Variants in CR1 observed in about 807,000 individuals in gnomAD.
CR1 encodes the protein complement receptor type 1.
CR1 carries 116 observed loss-of-function variants against 187.3 expected under a neutral mutation model. The ratio of observed to expected loss-of-function variants is 0.62; its 90% CI spans 0.53 to 0.72. CR1 has a LOEUF of 0.72. Among genes scored for constraint, CR1 ranks in the 30% least tolerant of loss-of-function variants. CR1 has a pLI of 0.00. For synonymous variants in CR1, 576 were observed against 747.1 expected (o/e 0.77, Z 3.73); for missense variants, 1,731 against 2,110.7 (o/e 0.82, Z 3.52).
chr1:207,584,622 A>T (rs765270218), intron 32 of CR1, 27 bp from the exon 33 acceptor site: 2 of 1,607,206 alleles, frequency 1.2e-6, no homozygotes, highest in Admixed American at 3.4e-5. Flanking sequence ...TTTTTTATGG[A>T]ATTGAGAGCT....
intron 33 of CR1, among the ~76,000 whole-genome samples, chr1:207,586,602 T>C (rs573245019): frequency 6.6e-6 from 1 of 152,372 alleles, no homozygotes; most frequent in African/African-American, 2.4e-5. Flanking sequence ...GCAGAGGTAT[T>C]TTCCCATCTT....
chr1:207,616,884 T>C, intron 41 of CR1, 82 bp downstream of exon 41: 3 of 1,540,436 alleles, frequency 1.9e-6, no homozygotes, highest in Admixed American at 4.1e-5. Flanking sequence ...GACAGTCATT[T>C]TTGCTTGTGA....
At chr1:207,500,986 T>C (rs926788273) in intron 1 of CR1, among the ~76,000 whole-genome samples, 2 of 150,802 alleles carry the variant, frequency 1.3e-5, no homozygotes, top group African/African-American at 2.5e-5. Flanking sequence ...TCTCTAATTA[T>C]GCTGTGTGAA....
rs372159057 is a variant in CR1, at chr1:207,582,013, T to C, written c.5302+10T>C. ...GTTCCTGTGTGTGAACGTGAGTAGA[T>C]GGAATACTTGTTCAGTCTGGATCTT... On this transcript the variant is annotated intron_variant, in intron 32 of 46. Coordinates refer to ENST00000367049, the MANE Select transcript of CR1 (RefSeq NM_000651.6). 3 of 1,583,314 alleles carry C rather than the reference T, an allele frequency of 1.9e-6. No homozygotes were observed. The highest frequency in any genetic ancestry group is 1.3e-5 in the African/African-American group (1 of 74,182).
At chr1:207,503,219 C>T (rs1470088714) in intron 1 of CR1, among the ~76,000 whole-genome samples, 1 of 152,118 alleles carries the variant, frequency 6.6e-6, no homozygotes, top group African/African-American at 2.4e-5. Context: ...GAAACTGAGG[C>T]TCAGCAAGAT....
At chr1:207,497,076 T>G (rs1428429115) in intron 1 of CR1, among the ~76,000 whole-genome samples, 1 of 152,226 alleles carries the variant, frequency 6.6e-6, no homozygotes, top group Admixed American at 6.5e-5. Context: ...ATCATCACCA[T>G]GCACTTAATT....
At chr1:207,504,708 A>G (rs1211150033) in intron 1 of CR1, among the ~76,000 whole-genome samples, 1 of 152,238 alleles carries the variant, frequency 6.6e-6, no homozygotes, top group African/African-American at 2.4e-5. Flanking sequence ...GAAAGATGAT[A>G]TAAATAGCTT....
rs773689453 is a variant in CR1, at chr1:207,578,004, C to T, written c.4737C>T (p.Ala1579=). 2 of 1,611,774 alleles carry T rather than the reference C, an allele frequency of 1.2e-6. No homozygotes were observed. The highest frequency in any genetic ancestry group is 1.7e-6 in the Non-Finnish European group (2 of 1,179,716). Residue 1579 remains alanine, a synonymous_variant, in exon 29 of 47, where the codon GCC becomes GCT. Transcript: ENST00000367049. ...DDQVGIWSGP[A]PQCIIPNKCT... is the part of the protein sequence containing the mutation. ...AAGTGGGCATCTGGAGCGGCCCCGC[C>T]CCTCAGTGCATTATACCTAACAAAT... is the stretch of plus-strand genomic sequence containing the variant.
At chr1:207,506,412 G>A (rs773553829) in intron 2 of CR1, among the ~76,000 whole-genome samples, 16 of 152,210 alleles carry the variant, frequency 1.1e-4, no homozygotes, top group South Asian at 2.1e-4. Flanking sequence ...TAAAAGATGT[G>A]ACAATCTTGG....
chr1:207,593,558 T>G (rs149291790), intron 35 of CR1, among the ~76,000 whole-genome samples: 3,255 of 152,308 alleles, frequency 0.021, 64 homozygotes, highest in Non-Finnish European at 0.029. Context: ...GGCAAAGACT[T>G]CATTACTAAA....
intron 39 of CR1, among the ~76,000 whole-genome samples, chr1:207,613,709 A>G (rs1468328276): frequency 1.3e-5 from 2 of 152,204 alleles, no homozygotes; most frequent in African/African-American, 4.8e-5. Context: ...AGTTATTTTT[A>G]ATGATTTCCA....
intron 46 of CR1, among the ~76,000 whole-genome samples, chr1:207,635,190 C>G (rs1194450501): frequency 6.6e-6 from 1 of 152,172 alleles, no homozygotes; most frequent in Non-Finnish European, 1.5e-5. Flanking sequence ...GAAAGAGACA[C>G]AGAGACAAAG....
intron 4 of CR1, among the ~76,000 whole-genome samples, chr1:207,515,304 CTA>C (rs1054143138): frequency 3.2e-4 from 48 of 147,784 alleles, no homozygotes; most frequent in South Asian, 2.1e-4. Context: ...TATATACACA[CTA>C]TATATATATA....
chr1:207,618,276 T>A (rs1662208873), intron 42 of CR1, 29 bp downstream of exon 42: 1 of 1,603,222 alleles, frequency 6.2e-7, no homozygotes, highest in East Asian at 2.2e-5. Flanking sequence ...TTCCTTATTC[T>A]TGCTGGGTTG....
chr1:207,581,447 A>C (rs80261357), intron 31 of CR1, among the ~76,000 whole-genome samples: 2 of 151,058 alleles, frequency 1.3e-5, no homozygotes, highest in Middle Eastern at 3.5e-3. Context: ...ATGTATATAC[A>C]TATATACATG....
chr1:207,612,825 G>A (rs12403552), intron 39 of CR1, among the ~76,000 whole-genome samples: 28,860 of 152,230 alleles, frequency 0.19, 3,024 homozygotes, highest in South Asian at 0.43. Flanking sequence ...CAGGCATGTC[G>A]CACTGAAGGG....
At chr1:207,634,113 G>A (rs1291826292) in intron 46 of CR1, among the ~76,000 whole-genome samples, 1 of 152,250 alleles carries the variant, frequency 6.6e-6, no homozygotes, top group South Asian at 2.1e-4. Context: ...CTTCTTTTGT[G>A]ATTCTTCAGT....
At position 207,523,918 on chromosome 1, in the gene CR1, G is replaced by A. The variant is rs759816942; in HGVS notation, c.795G>A (p.Arg265=). ...CCTTAAATGAAGTTGTGGAGTTTAG[G>A]TGTCAGCCTGGCTTTGTCATGAAAG... is the stretch of plus-strand genomic sequence containing the variant. ...LFSLNEVVEF[R]CQPGFVMKGP... is the part of the protein sequence containing the mutation. Residue 265 remains arginine (R), a synonymous_variant, in exon 5 of 47, where the codon AGG becomes AGA. Coordinates refer to ENST00000367049, the MANE Select transcript of CR1 (RefSeq NM_000651.6). 3.7e-6 allele frequency: 6 copies of A among 1,611,032 alleles called. No individual in the cohort carries two copies. The highest frequency in any genetic ancestry group is 4.2e-6 in the Non-Finnish European group (5 of 1,179,228).
At chr1:207,501,136 A>G (rs1465771183) in intron 1 of CR1, among the ~76,000 whole-genome samples, 1 of 152,250 alleles carries the variant, frequency 6.6e-6, no homozygotes, top group Non-Finnish European at 1.5e-5. Context: ...CCTTTATATG[A>G]TAGGATATAA....
Sources: allele counts gnomAD v4.1 joint callset (sites outside exome capture counted in the v4.1 genomes callset), GRCh38; gene constraint gnomAD v4.1.1; transcripts MANE v1.5; gene names NCBI Gene and HGNC (gene_info 2026-07-23, HGNC 2026-07-21).